RIMS1: variants seen among roughly 807,000 people sequenced by gnomAD.
The protein encoded by RIMS1 is regulating synaptic membrane exocytosis protein 1.
Under a neutral mutation model 214.1 loss-of-function variants are expected in RIMS1, and 83 were observed. The ratio of observed to expected loss-of-function variants is 0.39; its 90% CI spans 0.32 to 0.47. The LOEUF (loss-of-function observed/expected upper bound fraction) is 0.47. Ranked by LOEUF, RIMS1 falls within the 20% of genes least tolerant of loss-of-function variation. RIMS1 has a pLI of 0.99. For missense variants in RIMS1, 2,050 were observed against 2,161.8 expected (o/e 0.95, Z 1.03); for synonymous variants, 793 against 786.8 (o/e 1.01, Z -0.13).
rs141353258 is a variant in RIMS1 at position 71,973,426 on chromosome 6, A to G, written c.245+4363A>G. The stretch of plus-strand genomic sequence containing the variant: ...GGCTATAAACTCTAGCCCTGTGTCA[A>G]TGGGGCTCCGGGTGGGTGGTCATGG... On this transcript the variant is annotated intron_variant, in intron 2 of 33. Coordinates refer to ENST00000521978, the MANE Select transcript of RIMS1 (RefSeq NM_014989.7). 3.5e-3 allele frequency among the ~76,000 whole-genome samples: 530 copies of G among 152,248 alleles called. 3 individuals are homozygous for G. The highest frequency in any genetic ancestry group is 0.027 in the Middle Eastern group (8 of 294).
chr6:71,916,004 A>G (rs536263163), intron 1 of RIMS1, among the ~76,000 whole-genome samples: 2 of 151,998 alleles, frequency 1.3e-5, no homozygotes, highest in Non-Finnish European at 2.9e-5. Flanking sequence ...CCATGATTCA[A>G]TTACCTCCCA....
At chr6:72,203,772 GGGA>G (rs1305916912) in intron 6 of RIMS1, among the ~76,000 whole-genome samples, 5 of 152,192 alleles carry the variant, frequency 3.3e-5, no homozygotes, top group African/African-American at 9.7e-5. Flanking sequence ...AATCACTTGA[GGGA>G]GGAGATTTTT....
chr6:72,276,712 T>C (rs2086642265), intron 23 of RIMS1, among the ~76,000 whole-genome samples: 1 of 152,304 alleles, frequency 6.6e-6, no homozygotes, highest in African/African-American at 2.4e-5. Flanking sequence ...TACAATACAA[T>C]TTTATTAAAA....
At chr6:71,889,673 A>C (rs1222523375) in intron 1 of RIMS1, among the ~76,000 whole-genome samples, 1 of 152,144 alleles carries the variant, frequency 6.6e-6, no homozygotes, top group Non-Finnish European at 1.5e-5. Context: ...GGGACACTTT[A>C]TGTCTTAAAA....
intron 4 of RIMS1, among the ~76,000 whole-genome samples, chr6:72,146,006 A>G (rs970718607): frequency 6.6e-6 from 1 of 152,242 alleles, no homozygotes; most frequent in Non-Finnish European, 1.5e-5. Context: ...AAAGCTGTAA[A>G]TAGTTCAAAA....
intron 9 of RIMS1, among the ~76,000 whole-genome samples, chr6:72,238,850 G>T (rs959357722): frequency 7.2e-5 from 11 of 151,962 alleles, no homozygotes; most frequent in African/African-American, 2.7e-4. Context: ...AATATTCTAG[G>T]ACTCTTAAAG....
intron 4 of RIMS1, among the ~76,000 whole-genome samples, chr6:72,145,492 G>A (rs113887885): frequency 0.011 from 1,700 of 152,118 alleles, 10 homozygotes; most frequent in Non-Finnish European, 0.017. Context: ...CACTCCTGTA[G>A]TCCCAGCTAC....
At position 72,393,041 on chromosome 6, in the gene RIMS1, A is replaced by G. The variant is rs1275615520; in HGVS notation, c.4618+231A>G. 6.6e-6 allele frequency among the ~76,000 whole-genome samples: 1 copy of G among 151,840 alleles called. No individual in the cohort carries two copies. The highest frequency in any genetic ancestry group is 2.4e-5 in the African/African-American group (1 of 41,344). ...TATTTGAATTACCAGAAACCCTGAT[A>G]TAATAGATGTAAATGTAGGACATGG... On this transcript the variant is annotated intron_variant, in intron 31 of 33. Coordinates refer to ENST00000521978, the MANE Select transcript of RIMS1 (RefSeq NM_014989.7).
intron 2 of RIMS1, among the ~76,000 whole-genome samples, chr6:72,096,605 C>G (rs1321248483): frequency 1.3e-5 from 2 of 152,138 alleles, no homozygotes; most frequent in African/African-American, 4.8e-5. Flanking sequence ...GCACACATGA[C>G]TGTAGTTGTA....
At chr6:72,002,542 CCTATAAG>C (rs1489519765) in intron 2 of RIMS1, among the ~76,000 whole-genome samples, 1 of 152,042 alleles carries the variant, frequency 6.6e-6, no homozygotes, top group Non-Finnish European at 1.5e-5. Context: ...CCACAGTGCT[CCTATAAG>C]CACATCATCC....
chr6:72,118,904 G>T (rs2037643061), intron 4 of RIMS1, among the ~76,000 whole-genome samples: 1 of 151,562 alleles, frequency 6.6e-6, no homozygotes, highest in South Asian at 2.1e-4. Context: ...TTTCCACTGA[G>T]AACTGAAACA....
chr6:71,974,031 G>A (rs1796550748), intron 2 of RIMS1, among the ~76,000 whole-genome samples: 1 of 152,090 alleles, frequency 6.6e-6, no homozygotes, highest in African/African-American at 2.4e-5. Flanking sequence ...GGGTCAGTGG[G>A]CAAATCACAT....
chr6:72,353,145 C>A (rs1001690027), intron 29 of RIMS1, among the ~76,000 whole-genome samples: 1 of 151,684 alleles, frequency 6.6e-6, no homozygotes, highest in Non-Finnish European at 1.5e-5. Flanking sequence ...CTACCACGCT[C>A]AGCTAGTTTT....
chr6:72,397,815 TAGAC>T (rs993133441), intron 31 of RIMS1, among the ~76,000 whole-genome samples: 21 of 152,200 alleles, frequency 1.4e-4, no homozygotes, highest in African/African-American at 3.6e-4. Context: ...AATAGATAGA[TAGAC>T]AGACAGGCAG....
In RIMS1 at chr6:72,400,758, G is replaced by T; in HGVS notation, c.*44G>T. 1 of 1,399,932 alleles carries T rather than the reference G, an allele frequency of 7.1e-7. No homozygotes were observed. Among genetic ancestry groups the T allele is most frequent in the South Asian group, 1.2e-5 (1 of 81,194 alleles). 86.7% of individuals were successfully genotyped at this position (1,399,932 alleles called of 1,614,324 possible). A position where few individuals can be genotyped will look rare whatever the true frequency, so the allele number is the denominator to read the frequency against. ...ATTCCAATAAAACTCTACTTTTCAGGATAATAATCTGAACCAGATATTTCA... is the reference window on the plus strand; with the variant it reads ...ATTCCAATAAAACTCTACTTTTCAGTATAATAATCTGAACCAGATATTTCA... On this transcript the variant is annotated 3_prime_UTR_variant, in exon 34 of 34. Coordinates refer to ENST00000521978, the MANE Select transcript of RIMS1 (RefSeq NM_014989.7).
At chr6:71,929,161 C>T (rs1031340616) in intron 1 of RIMS1, among the ~76,000 whole-genome samples, 2 of 152,120 alleles carry the variant, frequency 1.3e-5, no homozygotes, top group Non-Finnish European at 2.9e-5. Context: ...TCATGTTTCT[C>T]TTCCCTGGTA....
chr6:72,391,026 A>C (rs945457191), intron 30 of RIMS1: 4 of 265,548 alleles, frequency 1.5e-5, no homozygotes. Context: ...TTAGTGTACA[A>C]ATGCCACAGG....
Position 71,965,660 on chromosome 6 carries a change from A to G in RIMS1, c.165-3323A>G, listed in dbSNP as rs61224700. ...CCCTGAGGCGGTTGCAGAATGTCTT[A>G]TTTGCATAAATCTTCAGTGATGCTT... On this transcript the variant is annotated intron_variant, in intron 1 of 33. Transcript: ENST00000521978. 3.3e-4 allele frequency among the ~76,000 whole-genome samples: 51 copies of G among 152,312 alleles called. No homozygotes were observed. The East Asian group carries it at 6.9e-3, about 21-fold the overall frequency.
chr6:72,311,382 A>G (rs1035448257), intron 27 of RIMS1, among the ~76,000 whole-genome samples: 5 of 152,252 alleles, frequency 3.3e-5, no homozygotes, highest in Non-Finnish European at 7.3e-5. Context: ...AGATCTGATT[A>G]AAATGAATTG....
Sources: allele counts gnomAD v4.1 joint callset (sites outside exome capture counted in the v4.1 genomes callset), GRCh38; gene constraint gnomAD v4.1.1; transcripts MANE v1.5; gene names NCBI Gene and HGNC (gene_info 2026-07-23, HGNC 2026-07-21).